The following ANK1 variants were observed in gnomAD, a reference collection of about 807,000 sequenced individuals.
ANK1 encodes ankyrin-1.
ANK1 carries 51 observed loss-of-function variants against 210.4 expected under a neutral mutation model. The observed-to-expected ratio is 0.24, with a 90% CI of 0.19 to 0.31. The LOEUF is 0.31. ANK1 is among the 10% of genes least tolerant of loss of function. The probability of loss-of-function intolerance (pLI) is 1.00; values close to 1 mark genes in which losing one functional copy is unlikely to be tolerated. For synonymous variants in ANK1, 967 were observed against 1,025.9 expected (o/e 0.94, Z 1.10); for missense variants, 2,051 against 2,504.4 (o/e 0.82, Z 3.86).
At chr8:41,857,294 C>T (rs1812374729) in intron 1 of ANK1, among the ~76,000 whole-genome samples, 1 of 150,804 alleles carries the variant, frequency 6.6e-6, no homozygotes, top group Non-Finnish European at 1.5e-5. Context: ...TTTTAATGGG[C>T]TCTGTCAAAA....
At chr8:41,764,998 A>T (rs533953492) in intron 1 of ANK1, among the ~76,000 whole-genome samples, 1 of 152,156 alleles carries the variant, frequency 6.6e-6, no homozygotes, top group African/African-American at 2.4e-5. Context: ...CCAGGATTTG[A>T]GTCTAGGTAG....
intron 22 of ANK1, 73 bp from the exon 23 acceptor site, chr8:41,699,621 T>C: frequency 1.4e-6 from 2 of 1,413,886 alleles, no homozygotes; most frequent in East Asian, 4.6e-5. Flanking sequence ...AAAAGCTCTG[T>C]TCCCGCTCCG....
chr8:41,680,954 G>A (rs537380476), intron 37 of ANK1, among the ~76,000 whole-genome samples: 2 of 152,296 alleles, frequency 1.3e-5, no homozygotes, highest in African/African-American at 4.8e-5. Flanking sequence ...CCTCAGTCTA[G>A]AGGCCTCCTC....
chr8:41,804,419 A>G (rs7818173), intron 1 of ANK1, among the ~76,000 whole-genome samples: 66,996 of 152,014 alleles, frequency 0.44, 15,204 homozygotes, highest in African/African-American at 0.5. Flanking sequence ...AACAGCAGGG[A>G]AATTGTCAAA....
chr8:41,846,856 C>T (rs1810155364), intron 1 of ANK1, among the ~76,000 whole-genome samples: 1 of 152,172 alleles, frequency 6.6e-6, no homozygotes, highest in Non-Finnish European at 1.5e-5. Flanking sequence ...GAGCCTCAAG[C>T]ACACAGTCCA....
At chr8:41,698,734 C>T (rs1202408619) in intron 23 of ANK1, among the ~76,000 whole-genome samples, 2 of 152,090 alleles carry the variant, frequency 1.3e-5, no homozygotes, top group African/African-American at 4.8e-5. Flanking sequence ...ACCTCAGGGG[C>T]AGAGGTATAC....
At chr8:41,843,241 A>G (rs1054360057) in intron 1 of ANK1, among the ~76,000 whole-genome samples, 1 of 152,230 alleles carries the variant, frequency 6.6e-6, no homozygotes, top group South Asian at 2.1e-4. Context: ...TGTTACACGT[A>G]TATAATGTGT....
At chr8:41,718,249 C>T (rs983280252) in intron 10 of ANK1, 45 bp from the exon 11 acceptor site, 24 of 1,596,988 alleles carry the variant, frequency 1.5e-5, no homozygotes, top group Middle Eastern at 1.7e-4. Context: ...AGCTTACACA[C>T]GGGCCCAAGG....
At chr8:41,854,822 C>T (rs546680526) in intron 1 of ANK1, among the ~76,000 whole-genome samples, 19 of 152,110 alleles carry the variant, frequency 1.2e-4, no homozygotes, top group African/African-American at 4.6e-4. Flanking sequence ...TGGTTGCGCA[C>T]AGCTGTAGTC....
chr8:41,852,045 GC>G lies in ANK1; in HGVS notation c.126+44309del, dbSNP rs748667100. On this transcript the variant is annotated intron_variant, in intron 1 of 42. Transcript: ENST00000265709. ...CCATTTTATAACTGAGGAAACTGAG[GC>G]TTTAGGAAGAAAAGTAGTATGTTAA... is the stretch of plus-strand genomic sequence containing the variant. 6.2e-4 allele frequency among the ~76,000 whole-genome samples: 94 copies of G among 152,288 alleles called. 1 individual carries two copies. The highest frequency in any genetic ancestry group is 1.2e-3 in the South Asian group (6 of 4,822).
At position 41,718,147 on chromosome 8, in the gene ANK1, G is replaced by A; in HGVS notation, c.1165C>T (p.Leu389=). The A allele has an allele frequency of 6.2e-7, 1 of 1,614,090 alleles. No individual in the cohort carries two copies. The highest frequency in any genetic ancestry group is 8.5e-7 in the Non-Finnish European group (1 of 1,180,014). Residue 389 remains leucine, a synonymous_variant, in exon 11 of 43, where the codon CTG becomes TTG. Transcript: ENST00000289734. ...CKKNHVRVME[L]LLKTGASIDA... ...ATCGAGGCTCCCGTCTTCAGCAGCAGCTCCATGACACGGACGTGGTTCTTT... is the reference window on the plus strand; with the variant it reads ...ATCGAGGCTCCCGTCTTCAGCAGCAACTCCATGACACGGACGTGGTTCTTT...
At chr8:41,709,998 T>C (rs569606032) in intron 16 of ANK1, among the ~76,000 whole-genome samples, 1 of 152,336 alleles carries the variant, frequency 6.6e-6, no homozygotes, top group African/African-American at 2.4e-5. Flanking sequence ...TGCAAGACAT[T>C]ATAATTGCAC....
intron 1 of ANK1, among the ~76,000 whole-genome samples, chr8:41,796,574 A>C (rs1205059530): frequency 6.6e-6 from 1 of 151,398 alleles, no homozygotes; most frequent in Non-Finnish European, 1.5e-5. Context: ...TCAACCAGGA[A>C]AGGCAAATTG....
At chr8:41,776,563 G>A (rs1479117377) in intron 1 of ANK1, among the ~76,000 whole-genome samples, 2 of 152,162 alleles carry the variant, frequency 1.3e-5, no homozygotes, top group Non-Finnish European at 2.9e-5. Context: ...TAGACTCCAA[G>A]AAAGGATAAT....
chr8:41,766,545 C>T (rs1481412096), intron 1 of ANK1, among the ~76,000 whole-genome samples: 22 of 152,218 alleles, frequency 1.4e-4, no homozygotes, highest in Non-Finnish European at 5.9e-5. Flanking sequence ...CCCTCTTAAT[C>T]TCTCAACCCG....
At chr8:41,803,030 A>AG (rs1850235191) in intron 1 of ANK1, among the ~76,000 whole-genome samples, 1 of 101,654 alleles carries the variant, frequency 9.8e-6, no homozygotes, top group African/African-American at 4.2e-5. Context: ...AGAAAGAAAG[A>AG]AAGAAAGAAA....
chr8:41,695,391 G>A (rs1001097089), intron 26 of ANK1, 60 bp from the exon 27 acceptor site: 3 of 1,610,026 alleles, frequency 1.9e-6, no homozygotes, highest in East Asian at 4.5e-5. Flanking sequence ...AGGGCACAGG[G>A]AGGGATGGGG....
At chr8:41,862,030 G>A (rs1813362801) in intron 1 of ANK1, among the ~76,000 whole-genome samples, 1 of 152,208 alleles carries the variant, frequency 6.6e-6, no homozygotes, top group South Asian at 2.1e-4. Context: ...ACCAGGCCCT[G>A]CTCAGACGGG....
In ANK1 at chr8:41,719,713, C is replaced by T. The variant is rs1488728944; in HGVS notation, c.1055G>A (p.Arg352Lys). Residue 352 changes from arginine (R) to lysine (K), a missense_variant, in exon 10 of 43, where the codon AGG (arginine) becomes AAG (lysine). Physicochemically the swap from Arg to Lys is conservative, Grantham distance 26. Transcript: ENST00000289734. Reference protein sequence around the residue: ...LHVAAHCGHHRVAKVLLDKGA... With the variant: ...LHVAAHCGHHKVAKVLLDKGA... ...TTTATCCAGAAGGACCTTAGCCACC[C>T]TGTGGTGTCCACAGTGGGCAGCCAC... 6.2e-7 allele frequency: 1 copy of T among 1,614,266 alleles called. No homozygotes were observed. Among genetic ancestry groups the T allele is most frequent in the Admixed American group, 1.7e-5 (1 of 60,036 alleles).
Sources: gnomAD v4.1 joint callset for allele counts (sites outside exome capture counted in the v4.1 genomes callset) on GRCh38, gnomAD v4.1.1 for gene constraint, MANE v1.5 for transcripts, NCBI Gene and HGNC (gene_info 2026-07-23, HGNC 2026-07-21) for gene names.